The following VLDLR variants were observed in gnomAD, a reference collection of about 807,000 sequenced individuals.
VLDLR encodes the protein very low-density lipoprotein receptor.
VLDLR carries 81 observed loss-of-function variants against 112.7 expected under a neutral mutation model. That is an observed-to-expected ratio of 0.72 (90% CI 0.60 to 0.86). The LOEUF is 0.86. Among genes scored for constraint, VLDLR ranks in the 40% least tolerant of loss-of-function variants. VLDLR has a pLI of 0.00. For missense variants in VLDLR, 1,237 were observed against 1,099.4 expected, an observed-to-expected ratio of 1.13 and a Z score of -1.77; for synonymous variants, 436 against 384.8, an observed-to-expected ratio of 1.13 and a Z score of -1.56.
intron 9 of VLDLR, 34 bp downstream of exon 9, chr9:2,645,116 CT>C (rs767649737): frequency 6.2e-7 from 1 of 1,613,526 alleles, no homozygotes; most frequent in East Asian, 2.2e-5. Context: ...GCTGTTGTAC[CT>C]TTATGAGTAA....
chr9:2,641,580 C>G, intron 4 of VLDLR, 81 bp downstream of exon 4: 1 of 1,601,138 alleles, frequency 6.2e-7, no homozygotes, highest in East Asian at 2.2e-5. Flanking sequence ...TAATCTAAGC[C>G]TGAAGACGCA....
rs772644620 is a variant in VLDLR, at chr9:2,647,635, CATA to C, written c.1822+44_1822+46del. 16 of 1,504,642 alleles carry C rather than the reference CATA, an allele frequency of 1.1e-5. No homozygotes were observed. In the East Asian group the frequency reaches 3.4e-4, roughly 32 times the overall value. 93.2% of individuals were successfully genotyped at this position (1,504,642 alleles called of 1,614,324 possible). A position where few individuals can be genotyped will look rare whatever the true frequency, so the allele number is the denominator to read the frequency against. On this transcript the variant is annotated intron_variant, in intron 12 of 18. Coordinates refer to ENST00000382100, the MANE Select transcript of VLDLR (RefSeq NM_003383.5). ...TCTCGACCACCCACTCAACTATCTT[CATA>C]GTGTTTCCATTTATCTCCATGGTGA...
intron 1 of VLDLR, among the ~76,000 whole-genome samples, chr9:2,629,685 T>G (rs1158229539): frequency 6.6e-6 from 1 of 152,256 alleles, no homozygotes; most frequent in African/African-American, 2.4e-5. Flanking sequence ...AAATGGAAAT[T>G]GAATGTAACT....
At chr9:2,628,304 C>A (rs1817185284) in intron 1 of VLDLR, among the ~76,000 whole-genome samples, 1 of 152,094 alleles carries the variant, frequency 6.6e-6, no homozygotes, top group Admixed American at 6.5e-5. Context: ...ATTGAGGCCT[C>A]ATTCAAGAAT....
intron 1 of VLDLR, among the ~76,000 whole-genome samples, chr9:2,630,930 A>T (rs1208566276): frequency 4.6e-5 from 7 of 152,226 alleles, no homozygotes; most frequent in Non-Finnish European, 7.3e-5. Context: ...CTATTATCTG[A>T]CAGGAGACTA....
intron 1 of VLDLR, 132 bp from the exon 2 acceptor site, chr9:2,635,321 A>C (rs953752945): frequency 2.2e-6 from 3 of 1,379,476 alleles, no homozygotes; most frequent in Non-Finnish European, 1.0e-6. Flanking sequence ...GAGCCATCCT[A>C]CTCTGGCCCT....
rs1235556978 is a variant in VLDLR, at chr9:2,659,742, T to A, written c.*5874T>A. On this transcript the variant is annotated 3_prime_UTR_variant, in exon 19 of 19. Coordinates refer to ENST00000382100, the MANE Select transcript of VLDLR (RefSeq NM_003383.5). Reference sequence around the variant, plus strand: ...GCACTGGATCTTAAGTATTCTGGAATATACCAGATTGGTAGAACTACCAGA... The same window carrying A: ...GCACTGGATCTTAAGTATTCTGGAAAATACCAGATTGGTAGAACTACCAGA... 1 of 152,262 alleles carries A rather than the reference T, an allele frequency of 6.6e-6. No homozygotes were observed. Among genetic ancestry groups the A allele is most frequent in the Non-Finnish European group, 1.5e-5 (1 of 68,046 alleles). The allele number at this position is 152,262 out of a possible 1,614,324, so 9.4% of individuals were successfully genotyped here. A position where few individuals can be genotyped will look rare whatever the true frequency, so the allele number is the denominator to read the frequency against.
At chr9:2,652,098 C>CATA (rs1052211790) in intron 17 of VLDLR, 144 bp downstream of exon 17, 1 of 748,444 alleles carries the variant, frequency 1.3e-6, no homozygotes, top group African/African-American at 1.7e-5. Flanking sequence ...TTCTCCCCCA[C>CATA]ATAATACACT....
Position 2,643,396 on chromosome 9 carries a change from T to A in VLDLR, c.685T>A (p.Cys229Ser). 6.2e-7 allele frequency: 1 copy of A among 1,614,116 alleles called. No homozygotes were observed. Among genetic ancestry groups the A allele is most frequent in the Non-Finnish European group, 8.5e-7 (1 of 1,180,022 alleles). ...CCAATCTGATGAGTCCCTGGAGCAGTGTGGCCGTCAGCCAGTCATACACAC... is the reference window on the plus strand; with the variant it reads ...CCAATCTGATGAGTCCCTGGAGCAGAGTGGCCGTCAGCCAGTCATACACAC... ...SDQSDESLEQ[C>S]GRQPVIHTKC... Residue 229 changes from cysteine to serine, a missense_variant, in exon 5 of 19, where the codon TGT becomes AGT. Physicochemically the swap from Cys to Ser is moderately radical, Grantham distance 112. Coordinates refer to ENST00000382100, the MANE Select transcript of VLDLR (RefSeq NM_003383.5).
In VLDLR at chr9:2,651,942, A is replaced by G. The variant is rs748800533; in HGVS notation, c.2404A>G (p.Ile802Val). 6.2e-7 allele frequency: 1 copy of G among 1,614,068 alleles called. No homozygotes were observed. The highest frequency in any genetic ancestry group is 1.1e-5 in the South Asian group (1 of 91,076). ...PPKGTSAAWAILPLLLLVMAA... is the reference protein window; with the variant it reads ...PPKGTSAAWAVLPLLLLVMAA... ...AAAAGGGACTTCTGCCGCATGGGCC[A>G]TTCTTCCTCTCTGTAAGTAGATTTC... Residue 802 changes from isoleucine to valine, a missense_variant, in exon 17 of 19, where the codon ATT (isoleucine) becomes GTT (valine). Physicochemically the swap from Ile to Val is conservative, Grantham distance 29. Transcript: ENST00000382100.
In VLDLR at chr9:2,652,850, C is replaced by T. The variant is rs774630557; in HGVS notation, c.2487C>T (p.Ser829=). 13 of 1,613,950 alleles carry T rather than the reference C, an allele frequency of 8.1e-6. No individual in the cohort carries two copies. The South Asian group carries it at 1.3e-4, about 16-fold the overall frequency. Reference sequence around the variant, plus strand: ...ATTGGCAACACAAGAACATGAAAAGCATGAACTTTGACAATCCTGTGTACT... The same window carrying T: ...ATTGGCAACACAAGAACATGAAAAGTATGAACTTTGACAATCCTGTGTACT... ...WRNWQHKNMK[S]MNFDNPVYLK... is the part of the protein sequence containing the mutation. Residue 829 remains serine, a synonymous_variant, in exon 18 of 19, where the codon AGC becomes AGT. Coordinates refer to ENST00000382100, the MANE Select transcript of VLDLR (RefSeq NM_003383.5).
intron 1 of VLDLR, among the ~76,000 whole-genome samples, chr9:2,633,891 T>C (rs989955850): frequency 6.6e-6 from 1 of 152,174 alleles, no homozygotes; most frequent in African/African-American, 2.4e-5. Flanking sequence ...AGATTTGGTT[T>C]AGCAGTATAA....
intron 2 of VLDLR, among the ~76,000 whole-genome samples, chr9:2,637,988 C>T (rs1306394476): frequency 6.6e-6 from 1 of 152,098 alleles, no homozygotes. Context: ...ATCAATCAAT[C>T]ATGGGGTCTC....
chr9:2,622,957 C>G (rs1431137683), intron 1 of VLDLR, among the ~76,000 whole-genome samples: 2 of 152,212 alleles, frequency 1.3e-5, no homozygotes, highest in Admixed American at 6.5e-5. Flanking sequence ...TCCCTTTTCC[C>G]CGCCTCGGGC....
chr9:2,644,883 C>T (rs1476649697), intron 8 of VLDLR, 30 bp downstream of exon 8: 3 of 1,613,974 alleles, frequency 1.9e-6, no homozygotes, highest in Admixed American at 1.7e-5. Flanking sequence ...CTGGACCCTG[C>T]AGGTGATGGG....
intron 1 of VLDLR, among the ~76,000 whole-genome samples, chr9:2,625,407 T>G (rs1817045783): frequency 6.6e-6 from 1 of 152,250 alleles, no homozygotes; most frequent in African/African-American, 2.4e-5. Flanking sequence ...ATTTTCTGTT[T>G]CTCACAGAAT....
chr9:2,647,034 G>T (rs949062829), intron 11 of VLDLR, among the ~76,000 whole-genome samples: 1 of 152,074 alleles, frequency 6.6e-6, no homozygotes, highest in Non-Finnish European at 1.5e-5. Flanking sequence ...TTCACTAAGG[G>T]GGTTCTGTAA....
rs1273725947 is a variant in VLDLR, at chr9:2,626,974, C to T, written c.82+4703C>T. 3.3e-5 allele frequency among the ~76,000 whole-genome samples: 5 copies of T among 152,160 alleles called. No individual in the cohort carries two copies. In the South Asian group the frequency reaches 1.0e-3, roughly 32 times the overall value. ...AAGTAGGTTGCAGATTGATGTTGGT[C>T]ATCTTTGTGCATCTTCTGGAAACCA... On this transcript the variant is annotated intron_variant, in intron 1 of 18. Coordinates refer to ENST00000382100, the MANE Select transcript of VLDLR (RefSeq NM_003383.5).
intron 9 of VLDLR, among the ~76,000 whole-genome samples, chr9:2,645,352 A>C (rs763037617): frequency 6.6e-6 from 1 of 152,182 alleles, no homozygotes; most frequent in Non-Finnish European, 1.5e-5. Flanking sequence ...CAAGTGACTT[A>C]TTCATCACTC....
Sources: gnomAD v4.1 joint callset for allele counts (sites outside exome capture counted in the v4.1 genomes callset) on GRCh38, gnomAD v4.1.1 for gene constraint, MANE v1.5 for transcripts, NCBI Gene and HGNC (gene_info 2026-07-23, HGNC 2026-07-21) for gene names.